CYB5R2: variants seen among roughly 807,000 people sequenced by gnomAD.
CYB5R2 encodes the protein NADH-cytochrome b5 reductase 2.
CYB5R2 carries 35 observed loss-of-function variants against 29.8 expected under a neutral mutation model. The observed-to-expected ratio is 1.17, with a 90% CI of 0.90 to 1.56. CYB5R2 has a LOEUF of 1.56. Ranked by LOEUF, CYB5R2 falls within the 40% of genes most tolerant of loss-of-function variation. The pLI is 0.00. For synonymous variants in CYB5R2, 169 were observed against 130.6 expected, an observed-to-expected ratio of 1.29 and a Z score of -2.01; for missense variants, 419 against 346.7, an observed-to-expected ratio of 1.21 and a Z score of -1.66.
upstream of CYB5R2, chr11:7,674,064 C>A: frequency 1.7e-6 from 2 of 1,191,696 alleles, no homozygotes; most frequent in Non-Finnish European, 2.1e-6. Context: ...CATCCTGGCC[C>A]CTTCCCTGCA....
At position 7,669,826 on chromosome 11, in the gene CYB5R2, T is replaced by G; in HGVS notation, c.152-95A>C. ...GAGCTTCAGTGAAGGGAGCAAATACTGGGGGCACAATGTTAAGAGGGGTGG... is the reference window on the plus strand; with the variant it reads ...GAGCTTCAGTGAAGGGAGCAAATACGGGGGGCACAATGTTAAGAGGGGTGG... On this transcript the variant is annotated intron_variant, in intron 3 of 8. Transcript: ENST00000299498. 3.4e-6 allele frequency: 3 copies of G among 875,634 alleles called. No individual in the cohort carries two copies. The South Asian group carries it at 4.2e-5, about 12-fold the overall frequency. The allele number at this position is 875,634 out of a possible 1,614,324, so 54.2% of individuals were successfully genotyped here. A position where few individuals can be genotyped will look rare whatever the true frequency, so the allele number is the denominator to read the frequency against.
At chr11:7,668,868 G>C (rs1276014940) in intron 5 of CYB5R2, 1 of 576,112 alleles carries the variant, frequency 1.7e-6, no homozygotes, top group East Asian at 3.0e-5. Flanking sequence ...GTGAACCAGT[G>C]AGTAAACAAT....
intron 7 of CYB5R2, 40 bp from the exon 8 acceptor site, chr11:7,666,590 A>T: frequency 6.9e-7 from 1 of 1,455,514 alleles, no homozygotes; most frequent in Non-Finnish European, 9.6e-7. Flanking sequence ...CTCCAGGGCC[A>T]TCCTCTTGTT....
At chr11:7,668,582 T>C in intron 5 of CYB5R2, 21 bp from the exon 6 acceptor site, 1 of 1,588,512 alleles carries the variant, frequency 6.3e-7, no homozygotes, top group Non-Finnish European at 8.6e-7. Context: ...AGAGAATGCT[T>C]ATGACCTCTG....
chr11:7,672,503 C>T lies in CYB5R2; in HGVS notation c.99G>A (p.Arg33=). ...IEKEKISHNT[R]RFRFGLPSPD... Reference sequence around the variant, plus strand: ...GCGAAGGCAGTCCAAAGCGGAACCTCCGGGTGTTGTGGCTGATTTTCTGAT... The same window carrying T: ...GCGAAGGCAGTCCAAAGCGGAACCTTCGGGTGTTGTGGCTGATTTTCTGAT... Residue 33 remains arginine, a synonymous_variant, in exon 3 of 9, where the codon CGG becomes CGA. Coordinates refer to ENST00000299498, the MANE Select transcript of CYB5R2 (RefSeq NM_016229.5). 6.2e-7 allele frequency: 1 copy of T among 1,614,216 alleles called. No homozygotes were observed. The highest frequency in any genetic ancestry group is 8.5e-7 in the Non-Finnish European group (1 of 1,180,034).
Position 7,672,785 on chromosome 11 carries a change from G to C in CYB5R2, c.41C>G (p.Pro14Arg), listed in dbSNP as rs147551491. 5.5e-5 allele frequency: 89 copies of C among 1,614,184 alleles called. 1 individual carries two copies. The African/African-American group carries it at 1.1e-3, about 20-fold the overall frequency. Residue 14 changes from proline (P) to arginine (R), a missense_variant, in exon 2 of 9, where the codon CCT becomes CGT. By Grantham distance (103) the Pro-to-Arg change is moderately radical. Transcript: ENST00000299498. Reference protein sequence around the residue: ...RRREPITLQDPEAKYPLPLIE... With the variant: ...RRREPITLQDREAKYPLPLIE... ...CAAGGGCAGCGGGTACTTGGCTTCA[G>C]GGTCCTGTAAGGTGATTGGCTCTCT... is the stretch of plus-strand genomic sequence containing the variant.
chr11:7,672,719 G>C (rs774647327), intron 2 of CYB5R2, 29 bp downstream of exon 2: 1 of 1,613,830 alleles, frequency 6.2e-7, no homozygotes, highest in Non-Finnish European at 8.5e-7. Context: ...TCCACTTACT[G>C]CCTTCCACCC....
Position 7,669,331 on chromosome 11 carries a change from A to G in CYB5R2, c.262T>C (p.Tyr88His). ...RGFVDLIIKI[Y>H]FKNVHPQYPE... Reference sequence around the variant, plus strand: ...TATTGGGGGTGTACATTTTTGAAGTAGATCTGAAAAGCAAGGCAGCACTGC... The same window carrying G: ...TATTGGGGGTGTACATTTTTGAAGTGGATCTGAAAAGCAAGGCAGCACTGC... The change falls in exon 5 of 9, where the codon TAC becomes CAC. Residue 88 changes from tyrosine (Y) to histidine (H), a missense_variant. Transcript: ENST00000299498. 6.2e-7 allele frequency: 1 copy of G among 1,609,786 alleles called. No individual in the cohort carries two copies. Among genetic ancestry groups the G allele is most frequent in the Non-Finnish European group, 8.5e-7 (1 of 1,177,482 alleles).
At chr11:7,665,994 G>T (rs1855154319) in intron 8 of CYB5R2, 1 of 1,297,348 alleles carries the variant, frequency 7.7e-7, no homozygotes, top group East Asian at 2.5e-5. Context: ...CCTGTGGGGT[G>T]CTCTGTGCAC....
At position 7,665,285 on chromosome 11, in the gene CYB5R2, T is replaced by TGAAAACATCCCA. The variant is rs1855038821; in HGVS notation, c.*77_*88dup. The stretch of plus-strand genomic sequence containing the variant: ...GCGAAGGTACATGGCAAGGCACTTT[T>TGAAAACATCCCA]GAAAACATCCCAGTTTACCGTGGTG... On this transcript the variant is annotated 3_prime_UTR_variant, in exon 9 of 9. Coordinates refer to ENST00000299498, the MANE Select transcript of CYB5R2 (RefSeq NM_016229.5). 5.0e-6 allele frequency: 6 copies of TGAAAACATCCCA among 1,199,576 alleles called. No individual in the cohort carries two copies. Among genetic ancestry groups the TGAAAACATCCCA allele is most frequent in the Non-Finnish European group, 6.9e-6 (6 of 870,248 alleles). The allele number at this position is 1,199,576 out of a possible 1,614,324, so 74.3% of individuals were successfully genotyped here.
intron 3 of CYB5R2, chr11:7,670,306 CTG>C (rs1855648032): frequency 6.6e-6 from 1 of 151,674 alleles, no homozygotes; most frequent in Admixed American, 6.6e-5. Flanking sequence ...TGAGCTGAGA[CTG>C]TGCCACTGCA....
At chr11:7,673,559 G>T (rs1489638410), upstream of CYB5R2, 6 of 983,844 alleles carry the variant, frequency 6.1e-6, no homozygotes, top group Non-Finnish European at 7.2e-6. Flanking sequence ...TCCCGCCCAC[G>T]ACCTCTCCCC....
chr11:7,669,592 A>G, intron 4 of CYB5R2, 33 bp downstream of exon 4: 1 of 1,513,938 alleles, frequency 6.6e-7, no homozygotes, highest in Non-Finnish European at 9.0e-7. Flanking sequence ...GCTTGGAAGC[A>G]CGAGCTAGCC....
At chr11:7,666,807 C>CTTTTTT in intron 7 of CYB5R2, 1 of 340,758 alleles carries the variant, frequency 2.9e-6, no homozygotes, top group Admixed American at 4.3e-5. Flanking sequence ...TGACCGCCTC[C>CTTTTTT]AACTAGAAGG....
intron 8 of CYB5R2, chr11:7,666,081 G>A (rs1201947357): frequency 2.6e-5 from 17 of 653,694 alleles, no homozygotes; most frequent in Non-Finnish European, 4.7e-5. Context: ...GGGCGGTAAG[G>A]GGTGTGGTGG....
intron 7 of CYB5R2, 136 bp downstream of exon 7, chr11:7,667,592 C>A (rs1398638117): frequency 2.5e-6 from 2 of 791,100 alleles, no homozygotes; most frequent in African/African-American, 1.7e-5. Context: ...GCCAGCAGCC[C>A]TGTTGATCCC....
At chr11:7,674,262 G>C (rs763875214), upstream of CYB5R2, 2 of 1,288,868 alleles carry the variant, frequency 1.6e-6, no homozygotes, top group South Asian at 1.2e-5. Flanking sequence ...TCCGGGGCGG[G>C]TGTTTGCGGG....
downstream of CYB5R2, chr11:7,665,101 G>A (rs72851375): frequency 0.31 from 86,057 of 276,644 alleles, 15,660 homozygotes; most frequent in Non-Finnish European, 0.38. Context: ...TTCATGGGCT[G>A]TCTGCTTTGT....
At chr11:7,665,694 A>C in intron 8 of CYB5R2, 148 bp from the exon 9 acceptor site, 1 of 1,143,090 alleles carries the variant, frequency 8.7e-7, no homozygotes, top group Non-Finnish European at 1.2e-6. Context: ...TCCCTGCAAA[A>C]AGCCTCAGAA....
Sources: allele counts gnomAD v4.1 joint callset, GRCh38; gene constraint gnomAD v4.1.1; transcripts MANE v1.5; gene names NCBI Gene and HGNC (gene_info 2026-07-23, HGNC 2026-07-21).